Variants in ROBO2 observed in about 807,000 individuals in gnomAD.
ROBO2 encodes the protein roundabout guidance receptor 2, also known as roundabout homolog 2.
A neutral mutation model predicts 160.8 loss-of-function variants in ROBO2; 53 were observed. The ratio of observed to expected loss-of-function variants is 0.33; its 90% CI spans 0.26 to 0.41. The LOEUF is 0.41. ROBO2 is among the 10% of genes least tolerant of loss of function. ROBO2 has a pLI of 1.00. For synonymous variants in ROBO2, 664 were observed against 611.7 expected, an observed-to-expected ratio of 1.09 and a Z score of -1.26; for missense variants, 1,577 against 1,722.4, an observed-to-expected ratio of 0.92 and a Z score of 1.49.
rs116459802 is a variant in ROBO2 at position 77,349,203 on chromosome 3, G to A, written c.389-128211G>A. On this transcript the variant is annotated intron_variant, in intron 2 of 25. Transcript: ENST00000461745. The stretch of plus-strand genomic sequence containing the variant: ...AATAAAACATGAAAGTACATTGATA[G>A]ATGGTATGTTTTGGTGCTGGCTATA... Among the ~76,000 whole-genome samples, 286 of 152,268 alleles carry A rather than the reference G, an allele frequency of 1.9e-3. 2 individuals are homozygous for A. The highest frequency in any genetic ancestry group is 6.5e-3 in the African/African-American group (271 of 41,558).
At chr3:76,457,359 C>G (rs992999475) in intron 2 of ROBO2, among the ~76,000 whole-genome samples, 1 of 152,188 alleles carries the variant, frequency 6.6e-6, no homozygotes, top group Non-Finnish European at 1.5e-5. Flanking sequence ...TGCAGTCAAA[C>G]TTTAAAGCTC....
At chr3:76,912,496 A>C (rs895118878) in intron 2 of ROBO2, among the ~76,000 whole-genome samples, 4 of 152,218 alleles carry the variant, frequency 2.6e-5, no homozygotes, top group African/African-American at 9.7e-5. Flanking sequence ...CATTTGGTAA[A>C]TAAAATATTT....
At chr3:76,601,146 C>A (rs2087110115) in intron 2 of ROBO2, among the ~76,000 whole-genome samples, 1 of 152,212 alleles carries the variant, frequency 6.6e-6, no homozygotes, top group Non-Finnish European at 1.5e-5. Flanking sequence ...TGGTCTTGGG[C>A]AGCTCTGCCC....
At chr3:77,288,892 A>T (rs1180484057) in intron 2 of ROBO2, among the ~76,000 whole-genome samples, 1 of 151,812 alleles carries the variant, frequency 6.6e-6, no homozygotes, top group Non-Finnish European at 1.5e-5. Flanking sequence ...CATCTAGTAA[A>T]ATTATCATTG....
intron 2 of ROBO2, among the ~76,000 whole-genome samples, chr3:77,009,259 A>G (rs2061741023): frequency 6.6e-6 from 1 of 152,218 alleles, no homozygotes; most frequent in Non-Finnish European, 1.5e-5. Flanking sequence ...CATTCCACCA[A>G]TAACTTACTG....
At chr3:76,528,767 T>A (rs150184066) in intron 2 of ROBO2, among the ~76,000 whole-genome samples, 1 of 151,996 alleles carries the variant, frequency 6.6e-6, no homozygotes, top group Non-Finnish European at 1.5e-5. Context: ...AGAGAAAATA[T>A]AAGAGTTCCT....
chr3:77,338,925 A>G (rs964885507), intron 2 of ROBO2, among the ~76,000 whole-genome samples: 1 of 152,114 alleles, frequency 6.6e-6, no homozygotes, highest in African/African-American at 2.4e-5. Context: ...TTTGAATTAT[A>G]GATCTGATAA....
intron 2 of ROBO2, among the ~76,000 whole-genome samples, chr3:76,827,299 T>G (rs1249293446): frequency 2.0e-5 from 3 of 152,176 alleles, no homozygotes. Flanking sequence ...AAGAAAGAAA[T>G]GAATGAATAT....
At chr3:77,147,348 G>T (rs2077201431) in intron 2 of ROBO2, among the ~76,000 whole-genome samples, 1 of 151,984 alleles carries the variant, frequency 6.6e-6, no homozygotes, top group African/African-American at 2.4e-5. Context: ...GGCCCTAAAG[G>T]GTGGAAATTT....
At chr3:77,000,582 T>C (rs76793065) in intron 2 of ROBO2, among the ~76,000 whole-genome samples, 2 of 65,418 alleles carry the variant, frequency 3.1e-5, no homozygotes, top group East Asian at 3.2e-3. Flanking sequence ...TTTTCATGAC[T>C]TTTTTTCTAA....
chr3:76,152,181 G>T (rs1461926812), intron 2 of ROBO2, among the ~76,000 whole-genome samples: 1 of 152,164 alleles, frequency 6.6e-6, no homozygotes, highest in Non-Finnish European at 1.5e-5. Context: ...AACTGAGGGA[G>T]CTAAGCCATC....
chr3:76,500,972 AGGCCT>A (rs75473472), intron 2 of ROBO2, among the ~76,000 whole-genome samples: 44,923 of 151,744 alleles, frequency 0.3, 8,181 homozygotes, highest in Non-Finnish European at 0.4. Flanking sequence ...TAATTCTAGA[AGGCCT>A]GGCTTGACAC....
At chr3:75,962,769 C>A (rs643476) in intron 2 of ROBO2, among the ~76,000 whole-genome samples, 1 of 151,548 alleles carries the variant, frequency 6.6e-6, no homozygotes, top group Non-Finnish European at 1.5e-5. Flanking sequence ...ATAATTCTTT[C>A]GTGCTGTGTG....
intron 2 of ROBO2, among the ~76,000 whole-genome samples, chr3:77,370,463 C>T (rs574234740): frequency 1.4e-4 from 21 of 152,320 alleles, no homozygotes; most frequent in Admixed American, 5.9e-4. Flanking sequence ...CACTCTCTCT[C>T]ATTCTTTTTC....
chr3:76,457,634 G>A (rs548690774), intron 2 of ROBO2, among the ~76,000 whole-genome samples: 47 of 152,266 alleles, frequency 3.1e-4, no homozygotes, highest in African/African-American at 9.4e-4. Context: ...GTGGGGGCTC[G>A]ACCCCACATT....
At chr3:76,751,692 T>G (rs898365538) in intron 2 of ROBO2, among the ~76,000 whole-genome samples, 8 of 151,860 alleles carry the variant, frequency 5.3e-5, no homozygotes, top group African/African-American at 1.7e-4. Context: ...ATGAAAAAAA[T>G]GCTCATCATC....
At chr3:76,962,679 CACCT>C (rs143768345) in intron 2 of ROBO2, among the ~76,000 whole-genome samples, 4,421 of 148,406 alleles carry the variant, frequency 0.03, 204 homozygotes, top group African/African-American at 0.1. Flanking sequence ...TGGTGACATG[CACCT>C]GTGGTACCAA....
At chr3:76,922,406 G>A (rs1559708012) in intron 2 of ROBO2, among the ~76,000 whole-genome samples, 1 of 152,164 alleles carries the variant, frequency 6.6e-6, no homozygotes, top group African/African-American at 2.4e-5. Flanking sequence ...GCCAACCAAG[G>A]CTTCGAGAGC....
chr3:76,958,827 A>G (rs2079458981), intron 2 of ROBO2, among the ~76,000 whole-genome samples: 1 of 152,224 alleles, frequency 6.6e-6, no homozygotes, highest in African/African-American at 2.4e-5. Flanking sequence ...TCCATCGTGT[A>G]TTCACATATG....
Sources: gnomAD v4.1 joint callset for allele counts (sites outside exome capture counted in the v4.1 genomes callset) on GRCh38, gnomAD v4.1.1 for gene constraint, MANE v1.5 for transcripts, NCBI Gene and HGNC (gene_info 2026-07-23, HGNC 2026-07-21) for gene names.